The following ELOVL5 variants were observed in gnomAD, a reference collection of about 807,000 sequenced individuals.
ELOVL5 encodes ELOVL fatty acid elongase 5.
In ELOVL5, 8 loss-of-function variants were observed where a neutral mutation model predicts 38.6. That is an observed-to-expected ratio of 0.21 (90% CI 0.12 to 0.37). The LOEUF is 0.37. Ranked by LOEUF, ELOVL5 falls within the 10% of genes least tolerant of loss-of-function variation. The pLI, the probability that ELOVL5 is intolerant of heterozygous loss-of-function variation, is 1.00. For missense variants in ELOVL5, 280 were observed against 367.8 expected, an observed-to-expected ratio of 0.76 and a Z score of 1.95; for synonymous variants, 127 against 133.7, an observed-to-expected ratio of 0.95 and a Z score of 0.34.
chr6:53,285,650 C>T (rs971367906), intron 3 of ELOVL5, among the ~76,000 whole-genome samples: 2 of 152,082 alleles, frequency 1.3e-5, no homozygotes, highest in Admixed American at 6.5e-5. Flanking sequence ...ACTCTGTCAC[C>T]CAGGCTGGAG....
intron 1 of ELOVL5, among the ~76,000 whole-genome samples, chr6:53,305,430 C>G (rs1433451179): frequency 1.3e-5 from 2 of 150,998 alleles, no homozygotes; most frequent in Admixed American, 6.6e-5. Context: ...CGGAGACGCT[C>G]CTCACTTCCC....
intron 1 of ELOVL5, 104 bp downstream of exon 1, chr6:53,348,713 A>G (rs1479221536): frequency 7.2e-6 from 3 of 415,596 alleles, no homozygotes; most frequent in African/African-American, 2.1e-5. Context: ...CAGGTCCGAG[A>G]CCTAACGGCA....
intron 1 of ELOVL5, among the ~76,000 whole-genome samples, chr6:53,319,270 C>CAAAAAAAAAAAAAA (rs59435925): frequency 2.5e-4 from 19 of 74,892 alleles, no homozygotes; most frequent in Admixed American, 3.8e-4. Context: ...GACTCCATCT[C>CAAAAAAAAAAAAAA]AAAAAAAAAA....
At chr6:53,309,176 C>A (rs1025658140) in intron 1 of ELOVL5, among the ~76,000 whole-genome samples, 1 of 152,144 alleles carries the variant, frequency 6.6e-6, no homozygotes, top group Non-Finnish European at 1.5e-5. Context: ...TCTGTGAGAA[C>A]AAGGAACGTA....
intron 3 of ELOVL5, among the ~76,000 whole-genome samples, chr6:53,283,318 A>G (rs1400231063): frequency 6.6e-6 from 1 of 152,004 alleles, no homozygotes; most frequent in Non-Finnish European, 1.5e-5. Context: ...AGGCATGTTT[A>G]CCTGAGATGA....
At chr6:53,311,449 A>G (rs1767828228) in intron 1 of ELOVL5, among the ~76,000 whole-genome samples, 1 of 152,208 alleles carries the variant, frequency 6.6e-6, no homozygotes, top group South Asian at 2.1e-4. Flanking sequence ...GAAACACAGA[A>G]TTACCATATG....
At chr6:53,322,449 C>T (rs1310309055) in intron 1 of ELOVL5, among the ~76,000 whole-genome samples, 1 of 152,138 alleles carries the variant, frequency 6.6e-6, no homozygotes, top group Non-Finnish European at 1.5e-5. Flanking sequence ...CTTGACTTTT[C>T]CAATCCCATG....
intron 1 of ELOVL5, among the ~76,000 whole-genome samples, chr6:53,326,866 C>G (rs9367522): frequency 0.36 from 55,251 of 151,986 alleles, 11,146 homozygotes; most frequent in African/African-American, 0.55. Context: ...TCCAGCAGAG[C>G]AGGAGGCACT....
rs763831626 is a variant in ELOVL5 at position 53,275,083 on chromosome 6, T to C, written c.496+7A>G. On this transcript the variant is annotated splice_region_variant and intron_variant, in intron 5 of 7. Transcript: ENST00000304434. ...CTGTTCCCCAAGTCCCCGTCTCTAA[T>C]ACTTACAGTGGCCGCAGGGGACCCA... 1.2e-6 allele frequency: 2 copies of C among 1,613,516 alleles called. No individual in the cohort carries two copies. The highest frequency in any genetic ancestry group is 2.2e-5 in the East Asian group (1 of 44,892).
intron 5 of ELOVL5, 99 bp from the exon 6 acceptor site, chr6:53,273,443 A>G (rs1183315251): frequency 1.8e-6 from 2 of 1,139,506 alleles, no homozygotes; most frequent in Non-Finnish European, 2.5e-6. Context: ...TTGAATCAGA[A>G]AGAGAGATGA....
intron 1 of ELOVL5, among the ~76,000 whole-genome samples, chr6:53,305,323 A>G (rs75399792): frequency 9.2e-4 from 53 of 57,726 alleles, no homozygotes; most frequent in South Asian, 2.0e-3. Context: ...CTGGCCGGGC[A>G]GGGGGCTGAC....
At chr6:53,297,114 C>CCA (rs1767034807) in intron 1 of ELOVL5, among the ~76,000 whole-genome samples, 1 of 152,096 alleles carries the variant, frequency 6.6e-6, no homozygotes, top group South Asian at 2.1e-4. Flanking sequence ...CTGCTGACAC[C>CCA]AATTCATGGC....
At chr6:53,314,022 T>C (rs1188866289) in intron 1 of ELOVL5, among the ~76,000 whole-genome samples, 2 of 152,246 alleles carry the variant, frequency 1.3e-5, no homozygotes, top group Non-Finnish European at 2.9e-5. Context: ...TCCAGCAAGA[T>C]TAGATCTCTT....
chr6:53,297,116 A>C (rs1168417200), intron 1 of ELOVL5, among the ~76,000 whole-genome samples: 3 of 152,130 alleles, frequency 2.0e-5, no homozygotes, highest in Non-Finnish European at 4.4e-5. Context: ...GCTGACACCA[A>C]TTCATGGCTG....
intron 1 of ELOVL5, among the ~76,000 whole-genome samples, chr6:53,342,352 A>G (rs1769368105): frequency 1.3e-5 from 2 of 152,358 alleles, no homozygotes; most frequent in Admixed American, 6.5e-5. Context: ...GGAGAAATTC[A>G]TAACACTCAC....
chr6:53,276,098 T>G, intron 4 of ELOVL5, 81 bp downstream of exon 4: 1 of 957,004 alleles, frequency 1.0e-6, no homozygotes, highest in Non-Finnish European at 1.6e-6. Context: ...AGTGAGGTTA[T>G]GGGCCATTTT....
intron 1 of ELOVL5, among the ~76,000 whole-genome samples, chr6:53,325,317 A>G (rs1768494277): frequency 6.6e-6 from 1 of 152,242 alleles, no homozygotes; most frequent in African/African-American, 2.4e-5. Context: ...TCTAGGCTTA[A>G]GATACCCATT....
At chr6:53,308,478 CAATG>C (rs1294209137) in intron 1 of ELOVL5, among the ~76,000 whole-genome samples, 2 of 152,146 alleles carry the variant, frequency 1.3e-5, no homozygotes, top group African/African-American at 2.4e-5. Flanking sequence ...ATGAGTGGAT[CAATG>C]AATGAATGAC....
intron 1 of ELOVL5, among the ~76,000 whole-genome samples, chr6:53,296,013 A>G (rs944086284): frequency 6.6e-6 from 1 of 152,138 alleles, no homozygotes; most frequent in Non-Finnish European, 1.5e-5. Flanking sequence ...AAAAAAGTGG[A>G]ACTAACTGGA....
Sources: allele counts gnomAD v4.1 joint callset (sites outside exome capture counted in the v4.1 genomes callset), GRCh38; gene constraint gnomAD v4.1.1; transcripts MANE v1.5; gene names NCBI Gene and HGNC (gene_info 2026-07-23, HGNC 2026-07-21).